The following MYO16 variants were observed in gnomAD, a reference collection of about 807,000 sequenced individuals.
MYO16 encodes myosin XVI, also known as unconventional myosin-XVI.
Under a neutral mutation model 205.3 loss-of-function variants are expected in MYO16, and 94 were observed. That is an observed-to-expected ratio of 0.46 (90% CI 0.39 to 0.54). The LOEUF (loss-of-function observed/expected upper bound fraction) is 0.54, where lower values mean the gene tolerates loss of function less well. Among genes scored for constraint, MYO16 ranks in the 20% least tolerant of loss-of-function variants. MYO16 has a pLI of 0.00. For missense variants in MYO16, 2,315 were observed against 2,387.5 expected, an observed-to-expected ratio of 0.97 and a Z score of 0.63; for synonymous variants, 988 against 954.0, an observed-to-expected ratio of 1.04 and a Z score of -0.66.
At chr13:108,604,990 A>G in intron 1 of MYO16, among the ~76,000 whole-genome samples, 1 of 152,178 alleles carries the variant, frequency 6.6e-6, no homozygotes, top group Non-Finnish European at 1.5e-5. Context: ...GAAATATTCT[A>G]TCCATGTGTA....
intron 31 of MYO16, among the ~76,000 whole-genome samples, chr13:109,138,811 AATTT>A (rs955684988): frequency 6.6e-6 from 1 of 151,538 alleles, no homozygotes. Context: ...AATTTAATTT[AATTT>A]ATTTATTTAT....
At chr13:109,018,537 C>A (rs1433257199) in intron 22 of MYO16, among the ~76,000 whole-genome samples, 1 of 152,156 alleles carries the variant, frequency 6.6e-6, no homozygotes, top group Non-Finnish European at 1.5e-5. Context: ...CAGACAGGGA[C>A]GTTTAAGTCT....
chr13:108,961,688 A>G, intron 18 of MYO16, 32 bp downstream of exon 18: 2 of 1,521,764 alleles, frequency 1.3e-6, no homozygotes, highest in Non-Finnish European at 1.8e-6. Flanking sequence ...GACATTAACC[A>G]CATTGATGTG....
chr13:109,164,311 C>T (rs1395196204), intron 32 of MYO16, among the ~76,000 whole-genome samples: 2 of 152,254 alleles, frequency 1.3e-5, no homozygotes, highest in East Asian at 3.9e-4. Flanking sequence ...TTCATCAGGC[C>T]CTTCAGTGGA....
intron 4 of MYO16, among the ~76,000 whole-genome samples, chr13:108,731,966 G>T (rs1437025036): frequency 1.3e-5 from 2 of 152,198 alleles, no homozygotes; most frequent in Non-Finnish European, 2.9e-5. Context: ...AATCTGAGTA[G>T]CTGTATTCAT....
At chr13:108,641,679 G>A (rs192484591) in intron 1 of MYO16, among the ~76,000 whole-genome samples, 66 of 152,236 alleles carry the variant, frequency 4.3e-4, no homozygotes, top group Middle Eastern at 6.8e-3. Context: ...TTGGAGAACC[G>A]AGTTGAGATT....
intron 28 of MYO16, among the ~76,000 whole-genome samples, chr13:109,118,709 G>T (rs1342341605): frequency 6.6e-6 from 1 of 152,040 alleles, no homozygotes; most frequent in Non-Finnish European, 1.5e-5. Context: ...TCACAGATTT[G>T]TTCTGCAGAG....
intron 4 of MYO16, among the ~76,000 whole-genome samples, chr13:108,732,079 A>C (rs948594587): frequency 2.6e-5 from 4 of 152,240 alleles, no homozygotes; most frequent in Admixed American, 1.3e-4. Context: ...TTGTAAAAAT[A>C]CATTCCTGCC....
chr13:109,102,019 A>G (rs989307990), intron 28 of MYO16: 1 of 152,206 alleles, frequency 6.6e-6, no homozygotes, highest in African/African-American at 2.4e-5. Context: ...CAAAGAACCT[A>G]GAATTTTGGC....
chr13:109,165,215 C>T (rs1878593886), intron 33 of MYO16, among the ~76,000 whole-genome samples, 156 bp downstream of exon 33: 1 of 152,134 alleles, frequency 6.6e-6, no homozygotes, highest in Non-Finnish European at 1.5e-5. Flanking sequence ...TTATTGTCAG[C>T]ATATGATTGC....
chr13:108,504,791 T>C, the MYO16 span, among the ~76,000 whole-genome samples: 5 of 152,132 alleles, frequency 3.3e-5, no homozygotes, highest in South Asian at 1.0e-3. Flanking sequence ...CACCTCGGCC[T>C]CCCAAAGTGC....
chr13:108,849,825 C>A (rs201981997), intron 10 of MYO16, among the ~76,000 whole-genome samples: 1 of 141,184 alleles, frequency 7.1e-6, no homozygotes, highest in Admixed American at 7.4e-5. Context: ...GTGTGTGTAA[C>A]TTATCCATAC....
intron 20 of MYO16, among the ~76,000 whole-genome samples, chr13:108,967,145 G>A (rs914370844): frequency 1.4e-5 from 2 of 142,068 alleles, no homozygotes; most frequent in African/African-American, 5.4e-5. Flanking sequence ...CATGTATACT[G>A]ACTATATATA....
At chr13:108,596,784 A>C (rs1032512759) in intron 1 of MYO16, among the ~76,000 whole-genome samples, 5 of 152,200 alleles carry the variant, frequency 3.3e-5, no homozygotes, top group African/African-American at 1.2e-4. Context: ...TTTGGTAAAA[A>C]CAGTGTATCT....
chr13:109,061,121 C>T (rs1223346074), intron 27 of MYO16, among the ~76,000 whole-genome samples: 1 of 152,108 alleles, frequency 6.6e-6, no homozygotes, highest in Non-Finnish European at 1.5e-5. Flanking sequence ...CCTCTCTCAG[C>T]CTTCATAAAA....
At position 109,019,781 on chromosome 13, in the gene MYO16, C is replaced by A. The variant is rs767896538; in HGVS notation, c.2666C>A (p.Pro889Gln). The A allele has an allele frequency of 1.2e-6, 2 of 1,613,962 alleles. No individual in the cohort carries two copies. Among genetic ancestry groups the A allele is most frequent in the Non-Finnish European group, 1.7e-6 (2 of 1,179,960 alleles). Residue 889 changes from proline to glutamine, a missense_variant, in exon 23 of 35, where the codon CCA becomes CAA. Physicochemically the swap from Pro to Gln is moderately conservative, Grantham distance 76 (BLOSUM62 -1). This residue lies in a region of MYO16 where 1,213 missense variants were observed against 1,274.4 expected (regional missense o/e 0.95). Transcript: ENST00000457511. ...QMIWSVESNF[P>Q]KKLQSLLESS... ...ATTTGGTCAGTGGAATCAAATTTTC[C>A]AAAAAAACTACAAAGTCTCCTAGAA...
At chr13:109,040,029 C>A (rs1164198344) in intron 23 of MYO16, among the ~76,000 whole-genome samples, 1 of 151,814 alleles carries the variant, frequency 6.6e-6, no homozygotes, top group African/African-American at 2.4e-5. Context: ...CAAAAAGATA[C>A]AAAGGGAATA....
intron 2 of MYO16, among the ~76,000 whole-genome samples, chr13:108,672,436 A>T (rs1328684262): frequency 6.6e-6 from 1 of 152,186 alleles, no homozygotes; most frequent in Non-Finnish European, 1.5e-5. Flanking sequence ...GCTGAGTATA[A>T]AGAATCAAAT....
In MYO16 at chr13:109,007,593, G is replaced by C. The variant is rs532835808; in HGVS notation, c.2443-1304G>C. Among the ~76,000 whole-genome samples the C allele has an allele frequency of 8.1e-5, 12 of 148,830 alleles. No homozygotes were observed. The East Asian group carries it at 2.4e-3, about 30-fold the overall frequency. ...GTGTGTGTGTGTGTGTGTGTTGATA[G>C]GAAAGGAAGCACAGAAGTAGAAGAG... On this transcript the variant is annotated intron_variant, in intron 21 of 34. Coordinates refer to ENST00000457511, the MANE Select transcript of MYO16 (RefSeq NM_001198950.3).
Sources: allele counts gnomAD v4.1 joint callset (sites outside exome capture counted in the v4.1 genomes callset), GRCh38; gene constraint gnomAD v4.1.1; regional missense constraint gnomAD v4.1.1; transcripts MANE v1.5; gene names NCBI Gene and HGNC (gene_info 2026-07-23, HGNC 2026-07-21).